The following STK35 variants were observed in gnomAD, a reference collection of about 807,000 sequenced individuals.
STK35 encodes the protein serine/threonine-protein kinase 35.
Under a neutral mutation model 37.3 loss-of-function variants are expected in STK35, and 17 were observed. The ratio of observed to expected loss-of-function variants is 0.46; its 90% CI spans 0.31 to 0.68. The LOEUF (loss-of-function observed/expected upper bound fraction) is 0.68. Among genes scored for constraint, STK35 ranks in the 30% least tolerant of loss-of-function variants. STK35 has a pLI of 0.05. For synonymous variants in STK35, 385 were observed against 319.1 expected, an observed-to-expected ratio of 1.21 and a Z score of -2.20; for missense variants, 595 against 746.7, an observed-to-expected ratio of 0.80 and a Z score of 2.37.
rs777370573 is a variant in STK35 at position 2,103,206 on chromosome 20, C to T, written c.733C>T (p.Leu245=). 1.9e-5 allele frequency: 31 copies of T among 1,611,422 alleles called. No individual in the cohort carries two copies. Among genetic ancestry groups the T allele is most frequent in the Non-Finnish European group, 2.5e-5 (29 of 1,179,666 alleles). Reference sequence around the variant, plus strand: ...CGCCCCCGAGAACGTGGAGCTGGCGCTGGCTGAATTCTGGGCCCTCACCAG... The same window carrying T: ...CGCCCCCGAGAACGTGGAGCTGGCGTTGGCTGAATTCTGGGCCCTCACCAG... ...CDAPENVELA[L]AEFWALTSLK... The change falls in exon 2 of 4, where the codon CTG becomes TTG. Residue 245 remains leucine, a synonymous_variant. Transcript: ENST00000381482.
At chr20:2,141,709 G>T (rs1986174817) in intron 3 of STK35, among the ~76,000 whole-genome samples, 1 of 152,180 alleles carries the variant, frequency 6.6e-6, no homozygotes, top group South Asian at 2.1e-4. Flanking sequence ...ACACTGAGGG[G>T]TTTGTGTTTT....
rs2153743 is a variant in STK35 at position 2,145,938 on chromosome 20, A to C, written c.*2192A>C. 79,521 of 151,730 alleles carry C rather than the reference A, an allele frequency of 0.52. 21,620 individuals carry two copies. Among genetic ancestry groups the C allele is most frequent in the East Asian group, 0.94 (4,831 of 5,148 alleles). 9.4% of individuals were successfully genotyped at this position (151,730 alleles called of 1,614,324 possible). ...TTCTTTTTTTTCCCTCCCCAGGTCT[A>C]GTAGCTCTAACTAAAAAGTTCTTGG... On this transcript the variant is annotated 3_prime_UTR_variant, in exon 4 of 4. Transcript: ENST00000381482.
chr20:2,117,384 AG>A lies in STK35; in HGVS notation c.*9del, dbSNP rs749176543. The A allele has an allele frequency of 3.2e-6, 5 of 1,582,664 alleles. No homozygotes were observed. In the Middle Eastern group the frequency reaches 5.4e-4, roughly 170 times the overall value. ...AGGTCACATGTGCTGCTTAAAATTC[AG>A]GGCTAAGCATTTTGGGTGATTTTAA... On this transcript the variant is annotated 3_prime_UTR_variant, in exon 3 of 4. Transcript: ENST00000381482. The surrounding 1 kb of genome is among the most constrained non-coding windows in gnomAD (Gnocchi z 4.4).
intron 3 of STK35, among the ~76,000 whole-genome samples, chr20:2,133,275 T>A (rs1986030027): frequency 2.0e-5 from 3 of 152,228 alleles, no homozygotes; most frequent in Admixed American, 6.5e-5. Flanking sequence ...CCTTAGCATC[T>A]TCCTCCTGGC....
At chr20:2,130,809 C>T (rs1985986814) in intron 3 of STK35, among the ~76,000 whole-genome samples, 2 of 152,102 alleles carry the variant, frequency 1.3e-5, no homozygotes, top group Admixed American at 6.5e-5. Flanking sequence ...GGCGGCCCTC[C>T]AACCTTATCT....
intron 3 of STK35, 35 bp from the exon 4 acceptor site, chr20:2,143,749 C>A: frequency 2.8e-6 from 1 of 357,652 alleles, no homozygotes; most frequent in Non-Finnish European, 5.4e-6. Context: ...GCCTGCTGAC[C>A]AATGTCCCCT....
intron 2 of STK35, among the ~76,000 whole-genome samples, chr20:2,107,376 G>A (rs914842223): frequency 6.6e-6 from 1 of 152,218 alleles, no homozygotes; most frequent in Non-Finnish European, 1.5e-5. Context: ...GACACTAATT[G>A]TTCTTTACCA....
chr20:2,135,222 C>T (rs1171654338), intron 3 of STK35, among the ~76,000 whole-genome samples: 2 of 152,188 alleles, frequency 1.3e-5, no homozygotes, highest in Admixed American at 6.5e-5. Flanking sequence ...ATAGCCTGGG[C>T]GACAGTCTGT....
At chr20:2,138,637 A>C (rs1986124664) in intron 3 of STK35, among the ~76,000 whole-genome samples, 1 of 152,216 alleles carries the variant, frequency 6.6e-6, no homozygotes, top group Non-Finnish European at 1.5e-5. Context: ...AAGATGGTGC[A>C]ATTTTAAAAA....
rs1454642483 is a variant in STK35, at chr20:2,122,365, A to G, written c.*37+4950A>G. Among the ~76,000 whole-genome samples the G allele has an allele frequency of 2.6e-5, 4 of 152,168 alleles. No individual in the cohort carries two copies. In the South Asian group the frequency reaches 8.3e-4, roughly 32 times the overall value. ...AAAAAAACTCTAGTTGCATAAGTAA[A>G]CACACTTGACCCCTATACCACCAAG... On this transcript the variant is annotated intron_variant, in intron 3 of 3. Transcript: ENST00000381482.
intron 3 of STK35, among the ~76,000 whole-genome samples, chr20:2,138,638 A>C (rs997795137): frequency 1.3e-5 from 2 of 152,158 alleles, no homozygotes; most frequent in Non-Finnish European, 2.9e-5. Flanking sequence ...AGATGGTGCA[A>C]TTTTAAAAAC....
At chr20:2,137,137 G>A (rs1234212744) in intron 3 of STK35, among the ~76,000 whole-genome samples, 1 of 152,138 alleles carries the variant, frequency 6.6e-6, no homozygotes, top group East Asian at 1.9e-4. Context: ...GTGTTTTTTT[G>A]GATGTGATTT....
At chr20:2,122,003 G>C in intron 3 of STK35, among the ~76,000 whole-genome samples, 1 of 152,184 alleles carries the variant, frequency 6.6e-6, no homozygotes, top group South Asian at 2.1e-4. Flanking sequence ...AAGAGCTTTT[G>C]TTTTGGGTTA....
chr20:2,107,026 C>A (rs1985528448), intron 2 of STK35, among the ~76,000 whole-genome samples: 1 of 152,174 alleles, frequency 6.6e-6, no homozygotes. Flanking sequence ...AGGGTTGGTG[C>A]CTATGTTTTT....
intron 2 of STK35, among the ~76,000 whole-genome samples, chr20:2,107,151 T>A (rs776524469): frequency 1.3e-5 from 2 of 152,220 alleles, no homozygotes; most frequent in Non-Finnish European, 2.9e-5. Context: ...TAAAACAAAG[T>A]TCAAGATTAC....
At position 2,147,784 on chromosome 20, in the gene STK35, G is replaced by A. The variant is rs1011537888; in HGVS notation, c.*4038G>A. The A allele has an allele frequency of 2.0e-5, 3 of 152,188 alleles. No homozygotes were observed. Among genetic ancestry groups the A allele is most frequent in the South Asian group, 2.1e-4 (1 of 4,828 alleles). 9.4% of individuals were successfully genotyped at this position (152,188 alleles called of 1,614,324 possible). ...GACAGACGTAGCTCCTGGGAGTCTC[G>A]GCCCTGGCAACCTTGGAAGAGCCAA... On this transcript the variant is annotated 3_prime_UTR_variant, in exon 4 of 4. Transcript: ENST00000381482.
At chr20:2,129,438 G>A (rs1417756902) in intron 3 of STK35, among the ~76,000 whole-genome samples, 2 of 152,136 alleles carry the variant, frequency 1.3e-5, no homozygotes, top group Non-Finnish European at 2.9e-5. Flanking sequence ...GCCAGTTCTC[G>A]GGCACGCTGA....
intron 2 of STK35, among the ~76,000 whole-genome samples, chr20:2,112,299 A>C (rs1273269847): frequency 2.0e-5 from 3 of 152,218 alleles, no homozygotes; most frequent in African/African-American, 7.2e-5. Flanking sequence ...GAACTTAAGC[A>C]CTACTGATGA....
rs749363971 is a variant in STK35, at chr20:2,103,371, A to C, written c.892+6A>C. 3.2e-5 allele frequency: 52 copies of C among 1,606,964 alleles called. No individual in the cohort carries two copies. Among genetic ancestry groups the C allele is most frequent in the Non-Finnish European group, 4.1e-5 (48 of 1,175,978 alleles). On this transcript the variant is annotated splice_donor_region_variant and intron_variant, in intron 2 of 3. Coordinates refer to ENST00000381482, the MANE Select transcript of STK35 (RefSeq NM_080836.4). ...GGTGGAGACCTCGCTGAAAGGTAGGAGCACCGCGGGCCTTTCCACCCACGC... is the reference window on the plus strand; with the variant it reads ...GGTGGAGACCTCGCTGAAAGGTAGGCGCACCGCGGGCCTTTCCACCCACGC...
Sources: gnomAD v4.1 joint callset for allele counts (sites outside exome capture counted in the v4.1 genomes callset) on GRCh38, gnomAD v4.1.1 for gene constraint, Gnocchi (gnomAD v3.1) non-coding constraint, MANE v1.5 for transcripts, NCBI Gene and HGNC (gene_info 2026-07-23, HGNC 2026-07-21) for gene names.